ARHGEF40: variants seen among roughly 807,000 people sequenced by gnomAD.
ARHGEF40 encodes the protein Rho guanine nucleotide exchange factor 40.
In ARHGEF40, 98 loss-of-function variants were observed where a neutral mutation model predicts 165.9. The observed-to-expected ratio is 0.59, with a 90% confidence interval of 0.50 to 0.70. The LOEUF (loss-of-function observed/expected upper bound fraction) is 0.70, where lower values mean the gene tolerates loss of function less well. Ranked by LOEUF, ARHGEF40 falls within the 30% of genes least tolerant of loss-of-function variation. The pLI is 0.00. For missense variants in ARHGEF40, 1,815 were observed against 1,968.0 expected (o/e 0.92, Z 1.47); for synonymous variants, 792 against 814.3 (o/e 0.97, Z 0.47).
Position 21,075,008 on chromosome 14 carries a change from A to G in ARHGEF40, c.1278A>G (p.Pro426=), listed in dbSNP as rs768280978. The change falls in exon 3 of 24, where the codon CCA becomes CCG. Residue 426 remains proline, a synonymous_variant. Transcript: ENST00000298694. The surrounding 1 kb of genome is among the most constrained non-coding windows in gnomAD (Gnocchi z 4.5). ...NLPSPSEHKL[P]ECHLVKEEYE... is the part of the protein sequence containing the mutation. Reference sequence around the variant, plus strand: ...CCTCACCAAGTGAGCACAAGCTTCCAGAATGCCACCTGGTTAAGGAGGAAT... The same window carrying G: ...CCTCACCAAGTGAGCACAAGCTTCCGGAATGCCACCTGGTTAAGGAGGAAT... 6.2e-7 allele frequency: 1 copy of G among 1,613,816 alleles called. No individual in the cohort carries two copies. The highest frequency in any genetic ancestry group is 2.2e-5 in the East Asian group (1 of 44,888).
chr14:21,087,008 A>C lies in ARHGEF40; in HGVS notation c.4146A>C (p.Arg1382=). The change falls in exon 20 of 24, where the codon CGA becomes CGC. Residue 1382 remains arginine (R), a synonymous_variant. Coordinates refer to ENST00000298694, the MANE Select transcript of ARHGEF40 (RefSeq NM_018071.5). ...AGTGTCCCTATTCCCCAGAGCTCCG[A>C]GTGCAGCAGATGGTGTCCATGGGCA... ...WRQAAHNKEL[R]VQQMVSMGIG... 6.3e-7 allele frequency: 1 copy of C among 1,599,636 alleles called. No homozygotes were observed. Among genetic ancestry groups the C allele is most frequent in the Non-Finnish European group, 8.5e-7 (1 of 1,172,784 alleles).
chr14:21,072,600 C>T lies in ARHGEF40; in HGVS notation c.4-445C>T, dbSNP rs938253717. ...GGCACCTCCACCTAAGATGGGGAGC[C>T]CTGGATGGTGGGTCTTATGGGAAGG... On this transcript the variant is annotated intron_variant, in intron 1 of 23. Transcript: ENST00000298694. The surrounding 1 kb of genome is among the most constrained non-coding windows in gnomAD (Gnocchi z 4.1). Among the ~76,000 whole-genome samples, 1 of 152,072 alleles carries T rather than the reference C, an allele frequency of 6.6e-6. No homozygotes were observed. Among genetic ancestry groups the T allele is most frequent in the African/African-American group, 2.4e-5 (1 of 41,396 alleles).
At position 21,070,851 on chromosome 14, in the gene ARHGEF40, T is replaced by C; in HGVS notation, c.3+452T>C. 1.3e-6 allele frequency: 2 copies of C among 1,535,536 alleles called. No homozygotes were observed. The highest frequency in any genetic ancestry group is 1.7e-6 in the Non-Finnish European group (2 of 1,146,852). On this transcript the variant is annotated intron_variant, in intron 1 of 23. Transcript: ENST00000298694. The surrounding 1 kb of genome is among the most constrained non-coding windows in gnomAD (Gnocchi z 4.7). ...ACCTGCATGGAACCACCATTTTCCA[T>C]CCCTGTCCCCAACCCGGTGAGGCAG...
In ARHGEF40 at chr14:21,074,674, C is replaced by G; in HGVS notation, c.944C>G (p.Ser315Cys). ...PPGEGSSTGASPESPPGAEAV... is the reference protein window; with the variant it reads ...PPGEGSSTGACPESPPGAEAV... ...GGCGAGGGGAGCAGCACCGGAGCCTCCCCTGAGTCTCCCCCAGGAGCTGAG... is the reference window on the plus strand; with the variant it reads ...GGCGAGGGGAGCAGCACCGGAGCCTGCCCTGAGTCTCCCCCAGGAGCTGAG... Residue 315 changes from serine (S) to cysteine (C), a missense_variant, in exon 3 of 24, where the codon TCC (serine) becomes TGC (cysteine). Transcript: ENST00000298694. The surrounding 1 kb of genome is among the most constrained non-coding windows in gnomAD (Gnocchi z 4.8). 1 of 1,574,032 alleles carries G rather than the reference C, an allele frequency of 6.4e-7. No homozygotes were observed.
intron 15 of ARHGEF40, 30 bp downstream of exon 15, chr14:21,082,508 G>A: frequency 1.3e-6 from 2 of 1,545,198 alleles, no homozygotes. Flanking sequence ...TCTTCCAAGT[G>A]CTCTCCCTTC....
intron 23 of ARHGEF40, 26 bp from the exon 24 acceptor site, chr14:21,088,988 T>C: frequency 9.7e-7 from 1 of 1,028,084 alleles, no homozygotes; most frequent in Non-Finnish European, 1.5e-6. Context: ...TCCCAACTCA[T>C]CTCCCTCTTC....
rs1376639729 is a variant in ARHGEF40 at position 21,086,929 on chromosome 14, A to G, written c.4139-72A>G. On this transcript the variant is annotated intron_variant, in intron 19 of 23. Transcript: ENST00000298694. ...AACGAAAAAAAAAAAAAAAGAAAAA[A>G]ATCAACCATGACATGCTAGGGCTAG... The G allele has an allele frequency of 9.4e-5, 28 of 298,544 alleles. 2 individuals carry two copies. The highest frequency in any genetic ancestry group is 1.4e-4 in the Non-Finnish European group (27 of 194,280). 18.5% of individuals were successfully genotyped at this position (298,544 alleles called of 1,614,324 possible).
rs1447550902 is a variant in ARHGEF40 at position 21,087,996 on chromosome 14, T to C, written c.4416T>C (p.Asp1472=). 1 of 1,614,022 alleles carries C rather than the reference T, an allele frequency of 6.2e-7. No individual in the cohort carries two copies. Among genetic ancestry groups the C allele is most frequent in the African/African-American group, 1.3e-5 (1 of 74,922 alleles). ...CAGAAACACTTGACTCTTCTGGAGA[T>C]GTGTCCCCAGGACCAAGAAACAGCC... The part of the protein sequence containing the change: ...LAPETLDSSG[D]VSPGPRNSPS... The change falls in exon 22 of 24, where the codon GAT becomes GAC. Residue 1472 remains aspartate (D), a synonymous_variant. Transcript: ENST00000298694.
the ARHGEF40 span, among the ~76,000 whole-genome samples, chr14:21,061,600 T>C: frequency 2.0e-5 from 3 of 152,146 alleles, no homozygotes; most frequent in Non-Finnish European, 2.9e-5. Flanking sequence ...AGAACGTGTT[T>C]CCAAAAAATC....
chr14:21,079,088 T>C, intron 11 of ARHGEF40, 78 bp downstream of exon 11: 1 of 1,524,636 alleles, frequency 6.6e-7, no homozygotes, highest in Admixed American at 1.9e-5. Flanking sequence ...GTACTTATAG[T>C]TGATGGTGTT....
At chr14:21,087,600 TAA>T in intron 21 of ARHGEF40, 137 bp downstream of exon 21, 1 of 1,251,138 alleles carries the variant, frequency 8.0e-7, no homozygotes, top group Non-Finnish European at 1.1e-6. Context: ...TCCCCACCGC[TAA>T]AAGAGCCTTC....
Position 21,076,847 on chromosome 14 carries a change from G to A in ARHGEF40, c.1991G>A (p.Gly664Asp). The A allele has an allele frequency of 1.2e-6, 2 of 1,613,818 alleles. No homozygotes were observed. The highest frequency in any genetic ancestry group is 1.7e-6 in the Non-Finnish European group (2 of 1,180,020). The change falls in exon 8 of 24, where the codon GGT becomes GAT. Residue 664 changes from glycine (G) to aspartate (D), a missense_variant. Gly to Asp is a moderately conservative substitution (Grantham distance 94). Transcript: ENST00000298694. ...KPEELQWELG[G>D]HRDPSPSHWV... The stretch of plus-strand genomic sequence containing the variant: ...GAGGAGCTGCAGTGGGAGTTAGGAG[G>A]TCACAGGGACCCCTCTCCCAGTCAC...
In ARHGEF40 at chr14:21,088,038, C is replaced by A. The variant is rs763795272; in HGVS notation, c.4458C>A (p.Pro1486=). The A allele has an allele frequency of 6.2e-7, 1 of 1,614,074 alleles. No homozygotes were observed. Among genetic ancestry groups the A allele is most frequent in the Non-Finnish European group, 8.5e-7 (1 of 1,179,974 alleles). The change falls in exon 22 of 24, where the codon CCC becomes CCA. Residue 1486 remains proline (P), a synonymous_variant. Transcript: ENST00000298694. ...GPRNSPSLQP[P]HPGSSTPTLA... ...GAAACAGCCCCAGCCTGCAACCCCC[C>A]CACCCTGGGAGCAGCACTCCCACCC...
In ARHGEF40 at chr14:21,075,459, A is replaced by T; in HGVS notation, c.1578A>T (p.Val526=). Residue 526 remains valine (V), a synonymous_variant, in exon 4 of 24, where the codon GTA becomes GTT. Transcript: ENST00000298694. The surrounding 1 kb of genome is among the most constrained non-coding windows in gnomAD (Gnocchi z 4.5). ...TCTCCGTCTCTGATCACCCTGATGT[A>T]GCTTGGGACTTGATGGCATCTGGAT... is the stretch of plus-strand genomic sequence containing the variant. The part of the protein sequence containing the change: ...LAVSVSDHPD[V]AWDLMASGFL... 2 of 1,614,204 alleles carry T rather than the reference A, an allele frequency of 1.2e-6. No homozygotes were observed. The highest frequency in any genetic ancestry group is 1.7e-6 in the Non-Finnish European group (2 of 1,180,052).
In ARHGEF40 at chr14:21,079,132, C is replaced by T. The variant is rs1039887062; in HGVS notation, c.2373+122C>T. On this transcript the variant is annotated intron_variant, in intron 11 of 23. Transcript: ENST00000298694. ...CTGGCTTGGTTGAACGCCCCTCCCT[C>T]CTCCTCACATTTGTTGGTCAGTGTG... The T allele has an allele frequency of 6.8e-6, 9 of 1,324,628 alleles. No homozygotes were observed. In the Admixed American group the frequency reaches 2.1e-4, roughly 31 times the overall value. The allele number at this position is 1,324,628 out of a possible 1,614,324, so 82.1% of individuals were successfully genotyped here.
rs376756793 is a variant in ARHGEF40 at position 21,087,346 on chromosome 14, G to C, written c.4270G>C (p.Val1424Leu). 7.5e-6 allele frequency: 12 copies of C among 1,606,518 alleles called. No homozygotes were observed. The African/African-American group carries it at 1.2e-4, about 16-fold the overall frequency. ...RAARTRASVAVSSFEHAGPSL... is the reference protein window; with the variant it reads ...RAARTRASVALSSFEHAGPSL... ...CGCCCGCACCCGGGCCTCCGTGGCC[G>C]TGTCATCCTTTGAGCATGCCGGCCC... Residue 1424 changes from valine (V) to leucine (L), a missense_variant, in exon 21 of 24, where the codon GTG becomes CTG. Coordinates refer to ENST00000298694, the MANE Select transcript of ARHGEF40 (RefSeq NM_018071.5).
intron 5 of ARHGEF40, among the ~76,000 whole-genome samples, chr14:21,076,110 C>A (rs1312852449): frequency 2.0e-5 from 3 of 152,200 alleles, no homozygotes; most frequent in African/African-American, 7.2e-5. Flanking sequence ...GAACAGAATT[C>A]TTAATTTTCC....
chr14:21,076,320 A>T, intron 5 of ARHGEF40, 40 bp from the exon 6 acceptor site: 2 of 1,559,122 alleles, frequency 1.3e-6, no homozygotes, highest in Admixed American at 3.4e-5. Flanking sequence ...CCCCCAAAAC[A>T]CACACACAGC....
chr14:21,070,522 T>C lies in ARHGEF40; in HGVS notation c.3+123T>C. The C allele has an allele frequency of 8.4e-7, 1 of 1,187,978 alleles. No individual in the cohort carries two copies. The highest frequency in any genetic ancestry group is 1.1e-6 in the Non-Finnish European group (1 of 892,898). 73.6% of individuals were successfully genotyped at this position (1,187,978 alleles called of 1,614,324 possible). On this transcript the variant is annotated intron_variant, in intron 1 of 23. Coordinates refer to ENST00000298694, the MANE Select transcript of ARHGEF40 (RefSeq NM_018071.5). The surrounding 1 kb of genome is among the most constrained non-coding windows in gnomAD (Gnocchi z 4.7). ...GGACTGTTCGGCCCCTCTGGGACTC[T>C]CCTCCCTCCCATCCCCCCTTCTTCG...
Sources: allele counts gnomAD v4.1 joint callset (sites outside exome capture counted in the v4.1 genomes callset), GRCh38; gene constraint gnomAD v4.1.1; non-coding constraint Gnocchi (gnomAD v3.1); transcripts MANE v1.5; gene names NCBI Gene and HGNC (gene_info 2026-07-23, HGNC 2026-07-21).